The following CHN1 variants were observed in gnomAD, a reference collection of about 807,000 sequenced individuals.
The protein encoded by CHN1 is chimerin 1.
Under a neutral mutation model 59.5 loss-of-function variants are expected in CHN1, and 37 were observed. The observed-to-expected ratio is 0.62, with a 90% CI of 0.48 to 0.82. CHN1 has a LOEUF of 0.82. Ranked by LOEUF, CHN1 falls within the 40% of genes least tolerant of loss-of-function variation. CHN1 has a pLI of 0.00. For synonymous variants in CHN1, 206 were observed against 200.4 expected, an observed-to-expected ratio of 1.03 and a Z score of -0.24; for missense variants, 469 against 571.0, an observed-to-expected ratio of 0.82 and a Z score of 1.82.
At chr2:174,988,892 TTC>T (rs1419500164) in intron 1 of CHN1, among the ~76,000 whole-genome samples, 1 of 152,218 alleles carries the variant, frequency 6.6e-6, no homozygotes, top group Non-Finnish European at 1.5e-5. Context: ...ACATTACCAT[TTC>T]TGTCTGCATT....
intron 6 of CHN1, among the ~76,000 whole-genome samples, chr2:174,853,359 A>C (rs897830522): frequency 6.6e-6 from 1 of 152,152 alleles, no homozygotes; most frequent in Non-Finnish European, 1.5e-5. Context: ...TATCATCACT[A>C]ATCATCAGAG....
intron 2 of CHN1, among the ~76,000 whole-genome samples, chr2:174,945,430 G>T (rs1689796647): frequency 6.6e-6 from 1 of 152,038 alleles, no homozygotes; most frequent in South Asian, 2.1e-4. Flanking sequence ...AAAAACAAAA[G>T]GTCTGAGCCA....
Position 174,902,269 on chromosome 2 carries a change from G to A in CHN1, c.260+12789C>T, listed in dbSNP as rs188329638. Among the ~76,000 whole-genome samples the A allele has an allele frequency of 5.0e-3, 761 of 152,200 alleles. 6 individuals carry two copies. The highest frequency in any genetic ancestry group is 0.017 in the African/African-American group (726 of 41,534). On this transcript the variant is annotated intron_variant, in intron 5 of 12. Transcript: ENST00000409900. The stretch of plus-strand genomic sequence containing the variant: ...ACATCAATTTTTTCAAGTAAGGGAT[G>A]CCTTATGTTAAACTAGCCATTTCCT...
intron 2 of CHN1, among the ~76,000 whole-genome samples, chr2:174,948,012 T>A (rs979663720): frequency 1.3e-5 from 2 of 152,152 alleles, no homozygotes; most frequent in African/African-American, 4.8e-5. Flanking sequence ...AATATATGAT[T>A]AAAGTACTTA....
At chr2:174,857,017 G>A (rs1368695208) in intron 6 of CHN1, among the ~76,000 whole-genome samples, 1 of 152,092 alleles carries the variant, frequency 6.6e-6, no homozygotes, top group Non-Finnish European at 1.5e-5. Context: ...AGGTAAATCA[G>A]AATGGCACTT....
rs1424016478 is a variant in CHN1 at position 174,859,522 on chromosome 2, G to A, written c.550-12565C>T. On this transcript the variant is annotated intron_variant, in intron 6 of 12. Transcript: ENST00000409900. ...AATTACTGTAGTCTTCTGCCAACCC[G>A]GCTAAAAAGAAATCCAGGCACACTT... Among the ~76,000 whole-genome samples, 6 of 152,188 alleles carry A rather than the reference G, an allele frequency of 3.9e-5. No individual in the cohort carries two copies. The East Asian group carries it at 5.8e-4, about 15-fold the overall frequency.
chr2:174,888,693 G>A (rs1687961576), intron 5 of CHN1, among the ~76,000 whole-genome samples: 1 of 152,216 alleles, frequency 6.6e-6, no homozygotes, highest in Non-Finnish European at 1.5e-5. Flanking sequence ...TCTTCCCCAA[G>A]CTGCACAGCT....
intron 1 of CHN1, among the ~76,000 whole-genome samples, chr2:174,992,233 G>C (rs919185565): frequency 6.6e-6 from 1 of 152,210 alleles, no homozygotes; most frequent in Non-Finnish European, 1.5e-5. Context: ...AGAATGTGGG[G>C]CTGGAACATG....
rs559871797 is a variant in CHN1 at position 174,915,924 on chromosome 2, C to T, written c.147-753G>A. Among the ~76,000 whole-genome samples the T allele has an allele frequency of 1.6e-4, 24 of 152,274 alleles. No individual in the cohort carries two copies. The South Asian group carries it at 3.9e-3, about 25-fold the overall frequency. ...ACAATTTACAAAGAACCTATATGTC[C>T]TTCTATAACTCAAAGATAATGAAGG... On this transcript the variant is annotated intron_variant, in intron 4 of 12. Transcript: ENST00000409900.
chr2:174,969,760 T>G (rs935938783), intron 1 of CHN1, among the ~76,000 whole-genome samples: 1 of 152,164 alleles, frequency 6.6e-6, no homozygotes, highest in Non-Finnish European at 1.5e-5. Context: ...TTTATATTGT[T>G]GTTTGTCTCT....
At chr2:174,922,935 T>C (rs1689056652) in intron 3 of CHN1, among the ~76,000 whole-genome samples, 2 of 152,106 alleles carry the variant, frequency 1.3e-5, no homozygotes, top group Admixed American at 6.6e-5. Context: ...ACACGTAATA[T>C]GTATTTATGG....
At chr2:174,821,471 G>A (rs1454292199) in intron 8 of CHN1, among the ~76,000 whole-genome samples, 1 of 152,162 alleles carries the variant, frequency 6.6e-6, no homozygotes, top group Non-Finnish European at 1.5e-5. Flanking sequence ...CCCTGCTGTG[G>A]TTTGAAAGTG....
intron 5 of CHN1, among the ~76,000 whole-genome samples, chr2:174,881,228 G>C (rs1404067829): frequency 1.3e-5 from 2 of 152,018 alleles, no homozygotes; most frequent in South Asian, 4.1e-4. Flanking sequence ...ACAACAATTA[G>C]GCTTACATAA....
chr2:174,929,547 C>T (rs980850793), intron 3 of CHN1, among the ~76,000 whole-genome samples: 1 of 151,488 alleles, frequency 6.6e-6, no homozygotes, highest in Admixed American at 6.6e-5. Context: ...CACTGCACTC[C>T]AGCCTGGGTG....
chr2:174,878,236 C>T, intron 5 of CHN1, 108 bp from the exon 6 acceptor site: 1 of 1,014,502 alleles, frequency 9.9e-7, no homozygotes, highest in Non-Finnish European at 1.4e-6. Context: ...TTGTGTGTGT[C>T]TTCTTTGTTT....
intron 1 of CHN1, among the ~76,000 whole-genome samples, chr2:174,953,164 CA>C (rs374222966): frequency 0.058 from 5,280 of 90,292 alleles, 103 homozygotes; most frequent in Non-Finnish European, 0.075. Context: ...TCCAAGGAAG[CA>C]AAAAAAAAAA....
chr2:174,922,606 G>C (rs1689045955), intron 3 of CHN1, among the ~76,000 whole-genome samples: 2 of 152,156 alleles, frequency 1.3e-5, no homozygotes, highest in African/African-American at 4.8e-5. Flanking sequence ...TGAGAGGACT[G>C]CCTGAGCCCA....
chr2:175,004,800 C>A, intron 1 of CHN1, 94 bp downstream of exon 1: 1 of 694,380 alleles, frequency 1.4e-6, no homozygotes, highest in Non-Finnish European at 1.8e-6. Context: ...ACGCGCCGCG[C>A]CCCCTCCCCG....
At chr2:174,925,753 GT>G (rs1483963061) in intron 3 of CHN1, among the ~76,000 whole-genome samples, 1 of 152,210 alleles carries the variant, frequency 6.6e-6, no homozygotes, top group Admixed American at 6.5e-5. Context: ...ACCTATGACT[GT>G]AACACTTCAA....
Sources: allele counts gnomAD v4.1 joint callset (sites outside exome capture counted in the v4.1 genomes callset), GRCh38; gene constraint gnomAD v4.1.1; transcripts MANE v1.5; gene names NCBI Gene and HGNC (gene_info 2026-07-23, HGNC 2026-07-21).